LNX2: variants seen among roughly 807,000 people sequenced by gnomAD.
LNX2 encodes ligand of numb-protein X 2.
Under a neutral mutation model 66.2 loss-of-function variants are expected in LNX2, and 35 were observed. That is an observed-to-expected ratio of 0.53 (90% CI 0.40 to 0.70). The LOEUF (loss-of-function observed/expected upper bound fraction) is 0.70, where lower values mean the gene tolerates loss of function less well. LNX2 is among the 30% of genes least tolerant of loss of function. The pLI is 0.00. For missense variants in LNX2, 791 were observed against 850.8 expected (o/e 0.93, Z 0.87); for synonymous variants, 337 against 315.6 (o/e 1.07, Z -0.72).
intron 2 of LNX2, among the ~76,000 whole-genome samples, chr13:27,572,428 G>A (rs929674193): frequency 3.3e-5 from 5 of 152,224 alleles, no homozygotes; most frequent in African/African-American, 1.2e-4. Context: ...CCATACAGTG[G>A]AGCTCTGAGA....
chr13:27,596,025 C>T (rs368145696), intron 1 of LNX2, among the ~76,000 whole-genome samples: 35 of 152,164 alleles, frequency 2.3e-4, no homozygotes, highest in African/African-American at 8.4e-4. Flanking sequence ...ATTAAACACA[C>T]GTATCTATGG....
chr13:27,595,335 T>TGCAGTGTTTG (rs1379120336), intron 1 of LNX2, among the ~76,000 whole-genome samples: 6 of 152,312 alleles, frequency 3.9e-5, no homozygotes, highest in African/African-American at 1.4e-4. Context: ...TGGTTTGCAA[T>TGCAGTGTTTG]CACTTGTTTG....
At chr13:27,552,084 A>G (rs561589310) in intron 8 of LNX2, among the ~76,000 whole-genome samples, 2 of 152,296 alleles carry the variant, frequency 1.3e-5, no homozygotes, top group South Asian at 4.1e-4. Context: ...AGATTTTACT[A>G]TACTGTGTAT....
At chr13:27,608,868 G>C (rs996106284) in intron 1 of LNX2, among the ~76,000 whole-genome samples, 1 of 147,550 alleles carries the variant, frequency 6.8e-6, no homozygotes, top group African/African-American at 2.5e-5. Flanking sequence ...GCAGTGGTAC[G>C]ATCTTGGCTC....
chr13:27,587,850 T>A (rs1272362412), intron 1 of LNX2, among the ~76,000 whole-genome samples: 3 of 151,806 alleles, frequency 2.0e-5, no homozygotes, highest in African/African-American at 4.8e-5. Context: ...TGAAACCCCA[T>A]CTCTACTAAA....
chr13:27,572,458 T>C (rs1323967), intron 2 of LNX2, among the ~76,000 whole-genome samples: 86,701 of 152,108 alleles, frequency 0.57, 25,194 homozygotes, highest in African/African-American at 0.67. Flanking sequence ...GCTGAGGCAG[T>C]GCAATCTGCC....
At chr13:27,552,878 A>C (rs1159515725) in intron 8 of LNX2, among the ~76,000 whole-genome samples, 1 of 152,180 alleles carries the variant, frequency 6.6e-6, no homozygotes, top group Non-Finnish European at 1.5e-5. Flanking sequence ...GGGTTTTCTG[A>C]TGAAAAATGC....
At chr13:27,556,438 T>C (rs1255243655) in intron 6 of LNX2, 25 bp from the exon 7 acceptor site, 8 of 1,593,404 alleles carry the variant, frequency 5.0e-6, no homozygotes, top group East Asian at 2.2e-5. Context: ...AAAAAAATCA[T>C]TGGATAATGA....
chr13:27,618,256 C>A (rs1355358794), intron 1 of LNX2, among the ~76,000 whole-genome samples: 1 of 152,186 alleles, frequency 6.6e-6, no homozygotes, highest in African/African-American at 2.4e-5. Flanking sequence ...CCACTGCCAG[C>A]ACACTAGCAT....
At chr13:27,606,404 CAA>C (rs1244721577) in intron 1 of LNX2, among the ~76,000 whole-genome samples, 1 of 114,366 alleles carries the variant, frequency 8.7e-6, no homozygotes. Context: ...GAGAAAAGCT[CAA>C]AAAAAAAAAA....
chr13:27,612,730 C>T (rs1478569365), intron 1 of LNX2, among the ~76,000 whole-genome samples: 1 of 152,160 alleles, frequency 6.6e-6, no homozygotes, highest in Non-Finnish European at 1.5e-5. Context: ...TCCCCAGTAG[C>T]TGGGGTCACA....
intron 1 of LNX2, among the ~76,000 whole-genome samples, chr13:27,592,966 T>C (rs1019875409): frequency 3.3e-5 from 5 of 152,132 alleles, no homozygotes; most frequent in African/African-American, 9.7e-5. Context: ...CAAGTGAGAA[T>C]TGGAAGGAAG....
At chr13:27,577,240 T>C (rs1352871554) in intron 2 of LNX2, among the ~76,000 whole-genome samples, 3 of 152,214 alleles carry the variant, frequency 2.0e-5, no homozygotes, top group Non-Finnish European at 4.4e-5. Context: ...AAGAGTTCTT[T>C]ATATATTCTG....
At position 27,560,654 on chromosome 13, in the gene LNX2, T is replaced by C. The variant is rs186546196; in HGVS notation, c.1225-669A>G. ...TTTTAGAGGTTCATGACTGTCGTTT[T>C]AAATTTAGAGGCTTGTTAGCTATCA... is the stretch of plus-strand genomic sequence containing the variant. On this transcript the variant is annotated intron_variant, in intron 5 of 9. Coordinates refer to ENST00000316334, the MANE Select transcript of LNX2 (RefSeq NM_153371.4). 3.4e-3 allele frequency among the ~76,000 whole-genome samples: 518 copies of C among 151,414 alleles called. 2 individuals carry two copies. The highest frequency in any genetic ancestry group is 5.8e-3 in the Non-Finnish European group (391 of 67,846).
intron 2 of LNX2, among the ~76,000 whole-genome samples, chr13:27,574,888 A>T (rs1955326184): frequency 6.6e-6 from 1 of 152,198 alleles, no homozygotes; most frequent in Non-Finnish European, 1.5e-5. Flanking sequence ...TGGAGACTAG[A>T]AGGCAGTGGG....
At chr13:27,591,419 T>C (rs1054261194) in intron 1 of LNX2, among the ~76,000 whole-genome samples, 1 of 152,208 alleles carries the variant, frequency 6.6e-6, no homozygotes, top group Non-Finnish European at 1.5e-5. Context: ...TCCAATTATA[T>C]TAGTTTCCTG....
At chr13:27,555,865 G>A (rs972166705) in intron 7 of LNX2, among the ~76,000 whole-genome samples, 1 of 152,120 alleles carries the variant, frequency 6.6e-6, no homozygotes, top group African/African-American at 2.4e-5. Context: ...TTTGTCTTCT[G>A]CTCCACCTCC....
chr13:27,550,191 C>T lies in LNX2; in HGVS notation c.1937+142G>A, dbSNP rs1435666948. On this transcript the variant is annotated intron_variant, in intron 9 of 9. Transcript: ENST00000316334. ...GTGTGGGAGCCAGAGAGTACATAAACCAGTAAGTGTAGCTGCACTGCAATG... is the reference window on the plus strand; with the variant it reads ...GTGTGGGAGCCAGAGAGTACATAAATCAGTAAGTGTAGCTGCACTGCAATG... 1.7e-5 allele frequency: 11 copies of T among 643,240 alleles called. No homozygotes were observed. In the South Asian group the frequency reaches 2.7e-4, roughly 16 times the overall value. The allele number at this position is 643,240 out of a possible 1,614,324, so 39.8% of individuals were successfully genotyped here.
At chr13:27,597,323 G>A (rs12877714) in intron 1 of LNX2, among the ~76,000 whole-genome samples, 1 of 152,176 alleles carries the variant, frequency 6.6e-6, no homozygotes, top group Non-Finnish European at 1.5e-5. Context: ...TGTTATGCAA[G>A]TATAGGTGGA....
Sources: allele counts gnomAD v4.1 joint callset (sites outside exome capture counted in the v4.1 genomes callset), GRCh38; gene constraint gnomAD v4.1.1; transcripts MANE v1.5; gene names NCBI Gene and HGNC (gene_info 2026-07-23, HGNC 2026-07-21).